RBFOX1: variants seen among roughly 807,000 people sequenced by gnomAD.
The protein encoded by RBFOX1 is RNA binding protein fox-1 homolog 1.
Under a neutral mutation model 57.7 loss-of-function variants are expected in RBFOX1, and 8 were observed. The ratio of observed to expected loss-of-function variants is 0.14; its 90% CI spans 0.08 to 0.25. RBFOX1 has a LOEUF of 0.25. Among genes scored for constraint, RBFOX1 ranks in the 10% least tolerant of loss-of-function variants. The pLI is 1.00. For missense variants in RBFOX1, 611 were observed against 548.5 expected (o/e 1.11, Z -1.14); for synonymous variants, 326 against 222.4 (o/e 1.47, Z -4.15).
chr16:6,278,193 G>A (rs575241345), intron 1 of RBFOX1, among the ~76,000 whole-genome samples: 2 of 152,026 alleles, frequency 1.3e-5, no homozygotes, highest in African/African-American at 4.8e-5. Context: ...TTGTGACCAC[G>A]TTGCCCCTTT....
intron 3 of RBFOX1, among the ~76,000 whole-genome samples, chr16:6,752,871 A>G (rs571451600): frequency 3.4e-4 from 51 of 149,698 alleles, no homozygotes; most frequent in Non-Finnish European, 6.2e-4. Flanking sequence ...CTGCTCACAT[A>G]TTGCAGTTCC....
At chr16:6,313,166 G>T (rs1462189630) in intron 1 of RBFOX1, among the ~76,000 whole-genome samples, 2 of 152,118 alleles carry the variant, frequency 1.3e-5, no homozygotes, top group African/African-American at 2.4e-5. Context: ...CCATGGTGCT[G>T]GTACCCGGGA....
At chr16:5,677,070 A>G (rs935495929) in intron 3 of RBFOX1, among the ~76,000 whole-genome samples, 6 of 152,188 alleles carry the variant, frequency 3.9e-5, no homozygotes, top group African/African-American at 1.2e-4. Flanking sequence ...GCATCTTCCC[A>G]GGCTGGTGGG....
chr16:7,137,111 G>T (rs1269120301), intron 4 of RBFOX1, among the ~76,000 whole-genome samples: 1 of 152,176 alleles, frequency 6.6e-6, no homozygotes, highest in Admixed American at 6.5e-5. Flanking sequence ...AAGTTAGATA[G>T]TCTAAAATAA....
chr16:7,162,819 T>A (rs570385153), intron 4 of RBFOX1, among the ~76,000 whole-genome samples: 2 of 152,262 alleles, frequency 1.3e-5, no homozygotes, highest in African/African-American at 2.4e-5. Flanking sequence ...TCCTTCTTCC[T>A]CATCTTTTGT....
At chr16:7,228,609 A>G (rs1331573654) in intron 4 of RBFOX1, among the ~76,000 whole-genome samples, 1 of 152,186 alleles carries the variant, frequency 6.6e-6, no homozygotes, top group Non-Finnish European at 1.5e-5. Flanking sequence ...TAGAGACCTG[A>G]TTCAAATCTT....
In RBFOX1 at chr16:6,870,106, A is replaced by C. The variant is rs149303114; in HGVS notation, c.-15-181951A>C. ...TCCTTCTTTTTGGATGATGATAATA[A>C]TGATGATTTTTTGCATAAGGCTCTT... On this transcript the variant is annotated intron_variant, in intron 3 of 15. Transcript: ENST00000550418. Among the ~76,000 whole-genome samples the C allele has an allele frequency of 5.8e-3, 882 of 152,276 alleles. 12 individuals carry two copies. The highest frequency in any genetic ancestry group is 0.02 in the African/African-American group (834 of 41,548).
intron 4 of RBFOX1, among the ~76,000 whole-genome samples, chr16:5,922,461 G>A (rs2058845324): frequency 6.6e-6 from 1 of 152,208 alleles, no homozygotes; most frequent in African/African-American, 2.4e-5. Flanking sequence ...TCTTGCTGGA[G>A]CAAGGCTAAC....
intron 4 of RBFOX1, among the ~76,000 whole-genome samples, chr16:6,006,613 T>A (rs917410482): frequency 8.5e-5 from 13 of 152,222 alleles, no homozygotes; most frequent in African/African-American, 2.9e-4. Context: ...TACACCTGTG[T>A]GTCCATAAAT....
chr16:7,685,157 A>G (rs148042167), intron 14 of RBFOX1, among the ~76,000 whole-genome samples: 2 of 152,232 alleles, frequency 1.3e-5, no homozygotes, highest in African/African-American at 4.8e-5. Flanking sequence ...GTGAAGTTTG[A>G]GAAGCCCCAC....
intron 1 of RBFOX1, among the ~76,000 whole-genome samples, chr16:6,033,866 G>A (rs1294553165): frequency 6.6e-6 from 1 of 152,182 alleles, no homozygotes; most frequent in Non-Finnish European, 1.5e-5. Context: ...CTCTGGCTGA[G>A]CTGCACCCTT....
At chr16:7,440,677 G>A (rs1380392702) in intron 4 of RBFOX1, among the ~76,000 whole-genome samples, 1 of 152,150 alleles carries the variant, frequency 6.6e-6, no homozygotes, top group Admixed American at 6.5e-5. Flanking sequence ...AGGTGAATGA[G>A]TAACACAGTA....
chr16:7,054,657 G>T (rs991907255), intron 4 of RBFOX1, among the ~76,000 whole-genome samples: 4 of 152,040 alleles, frequency 2.6e-5, no homozygotes, highest in Non-Finnish European at 5.9e-5. Flanking sequence ...CTTAGAAAGA[G>T]AGTGGAAGAA....
chr16:6,558,619 T>C (rs1472937758), intron 2 of RBFOX1, among the ~76,000 whole-genome samples: 1 of 152,150 alleles, frequency 6.6e-6, no homozygotes, highest in Non-Finnish European at 1.5e-5. Context: ...GCAGTTGTCA[T>C]GTCAATGTCT....
At chr16:5,280,814 C>G (rs28819751) in intron 1 of RBFOX1, among the ~76,000 whole-genome samples, 57,821 of 149,346 alleles carry the variant, frequency 0.39, 10,545 homozygotes, top group Non-Finnish European at 0.42. Context: ...TTATTTGGGT[C>G]TCCTTTCTTT....
chr16:7,207,453 A>G (rs1315656669), intron 4 of RBFOX1, among the ~76,000 whole-genome samples: 1 of 152,218 alleles, frequency 6.6e-6, no homozygotes, highest in Non-Finnish European at 1.5e-5. Context: ...ATAACATTTT[A>G]TTAAAACCAC....
At chr16:7,102,159 A>C (rs2062809146) in intron 4 of RBFOX1, among the ~76,000 whole-genome samples, 1 of 152,154 alleles carries the variant, frequency 6.6e-6, no homozygotes, top group African/African-American at 2.4e-5. Context: ...CACTCCTCTT[A>C]CTCACACTCA....
At position 6,170,251 on chromosome 16, in the gene RBFOX1, G is replaced by T. The variant is rs114218104; in HGVS notation, c.-126-146744G>T. ...ACTATGAAAGCCGTGTTCATGTCCA[G>T]TATTTGCCATTTGCTTGTTTGTTTT... On this transcript the variant is annotated intron_variant, in intron 1 of 15. Coordinates refer to ENST00000550418, the MANE Select transcript of RBFOX1 (RefSeq NM_018723.4). 2.2e-3 allele frequency among the ~76,000 whole-genome samples: 334 copies of T among 152,292 alleles called. 1 individual carries two copies. The highest frequency in any genetic ancestry group is 7.4e-3 in the African/African-American group (309 of 41,576).
At chr16:6,244,766 C>A (rs1173041435) in intron 1 of RBFOX1, among the ~76,000 whole-genome samples, 1 of 152,162 alleles carries the variant, frequency 6.6e-6, no homozygotes, top group Admixed American at 6.5e-5. Flanking sequence ...CCTTGACCTC[C>A]CAAAGTGCTG....
Sources: gnomAD v4.1 joint callset for allele counts (sites outside exome capture counted in the v4.1 genomes callset) on GRCh38, gnomAD v4.1.1 for gene constraint, MANE v1.5 for transcripts, NCBI Gene and HGNC (gene_info 2026-07-23, HGNC 2026-07-21) for gene names.